GCNT4: variants seen among roughly 807,000 people sequenced by gnomAD.
GCNT4 encodes the protein beta-1,3-galactosyl-O-glycosyl-glycoprotein beta-1,6-N-acetylglucosaminyltransferase 4.
GCNT4 carries 17 observed loss-of-function variants against 31.3 expected under a neutral mutation model. The observed-to-expected ratio is 0.54, with a 90% CI of 0.37 to 0.81. The LOEUF (loss-of-function observed/expected upper bound fraction) is 0.81, where lower values mean the gene tolerates loss of function less well. Among genes scored for constraint, GCNT4 ranks in the 40% least tolerant of loss-of-function variants. The pLI is 0.00. For synonymous variants in GCNT4, 158 were observed against 190.6 expected (o/e 0.83, Z 1.41); for missense variants, 503 against 525.5 (o/e 0.96, Z 0.42).
At chr5:75,041,586 A>T (rs896236725) in intron 3 of GCNT4, among the ~76,000 whole-genome samples, 2 of 152,220 alleles carry the variant, frequency 1.3e-5, no homozygotes, top group African/African-American at 4.8e-5. Flanking sequence ...GAAATAAAGG[A>T]CCTGTAAGAT....
intron 3 of GCNT4, among the ~76,000 whole-genome samples, chr5:75,041,056 C>T (rs181732721): frequency 3.0e-4 from 45 of 152,314 alleles, no homozygotes; most frequent in Admixed American, 1.4e-3. Flanking sequence ...ATTGGCTAAA[C>T]GCGGTCTGTA....
In GCNT4 at chr5:75,031,532, A is replaced by G. The variant is rs370081605; in HGVS notation, c.-1-1494T>C. ...TGAGTTCCAATAATACTTTATTTAC[A>G]AAAACAGGCAGCTGGCTGGATTCAG... On this transcript the variant is annotated intron_variant, in intron 3 of 3. Transcript: ENST00000652361. Among the ~76,000 whole-genome samples the G allele has an allele frequency of 3.1e-4, 47 of 152,326 alleles. 1 individual carries two copies. The East Asian group carries it at 6.0e-3, about 19-fold the overall frequency.
chr5:75,053,992 G>A (rs1164882012), upstream of GCNT4, among the ~76,000 whole-genome samples: 1 of 152,120 alleles, frequency 6.6e-6, no homozygotes, highest in African/African-American at 2.4e-5. Context: ...GCTCTGCGGA[G>A]GCTCAGGCCC....
At chr5:75,050,395 A>G (rs143825886) in intron 2 of GCNT4, among the ~76,000 whole-genome samples, 24 of 152,148 alleles carry the variant, frequency 1.6e-4, no homozygotes, top group South Asian at 1.0e-3. Flanking sequence ...TCGCATTCAC[A>G]TATGTCTAAG....
intron 2 of GCNT4, among the ~76,000 whole-genome samples, chr5:75,051,409 C>T (rs1409557221): frequency 6.6e-6 from 1 of 152,238 alleles, no homozygotes; most frequent in Non-Finnish European, 1.5e-5. Context: ...TTTACTGTCT[C>T]ACTGCTTTCT....
At chr5:75,041,573 G>A (rs369883966) in intron 3 of GCNT4, among the ~76,000 whole-genome samples, 23 of 152,226 alleles carry the variant, frequency 1.5e-4, no homozygotes, top group African/African-American at 5.3e-4. Context: ...TCACATTTGG[G>A]CAGAAATAAA....
the GCNT4 span, among the ~76,000 whole-genome samples, chr5:75,020,064 A>C: frequency 1.3e-5 from 2 of 152,098 alleles, no homozygotes; most frequent in Non-Finnish European, 2.9e-5. Flanking sequence ...CAGTTAGGAG[A>C]CTCATAAGGT....
the GCNT4 span, among the ~76,000 whole-genome samples, chr5:75,017,694 C>A: frequency 6.6e-6 from 1 of 152,080 alleles, no homozygotes; most frequent in Admixed American, 6.6e-5. Flanking sequence ...AGAACAAAGA[C>A]CCTCCGGAGC....
chr5:75,050,954 A>G (rs1457438897), intron 2 of GCNT4, among the ~76,000 whole-genome samples: 1 of 152,180 alleles, frequency 6.6e-6, no homozygotes, highest in Non-Finnish European at 1.5e-5. Flanking sequence ...TCATCTGCGT[A>G]CTATCAGGTG....
intron 3 of GCNT4, among the ~76,000 whole-genome samples, chr5:75,044,741 G>A (rs866662681): frequency 6.6e-5 from 10 of 151,942 alleles, no homozygotes; most frequent in South Asian, 2.1e-4. Flanking sequence ...GGGTAGACTG[G>A]TACAGAAACC....
At chr5:75,037,422 G>A (rs551752497) in intron 3 of GCNT4, among the ~76,000 whole-genome samples, 1 of 152,298 alleles carries the variant, frequency 6.6e-6, no homozygotes, top group African/African-American at 2.4e-5. Flanking sequence ...TAATCAGATT[G>A]TGAGCAGGTA....
At chr5:75,036,683 T>C (rs1020652023) in intron 3 of GCNT4, among the ~76,000 whole-genome samples, 6 of 152,102 alleles carry the variant, frequency 3.9e-5, no homozygotes, top group African/African-American at 1.2e-4. Context: ...GAATGCTGGG[T>C]GAGGAATCAC....
intron 3 of GCNT4, among the ~76,000 whole-genome samples, chr5:75,043,352 C>T (rs1219311376): frequency 1.3e-5 from 2 of 152,122 alleles, no homozygotes; most frequent in African/African-American, 4.8e-5. Flanking sequence ...TGGTAGAGAG[C>T]CAGTTGCCTT....
At chr5:75,049,198 C>T (rs925745043) in intron 2 of GCNT4, among the ~76,000 whole-genome samples, 1 of 152,140 alleles carries the variant, frequency 6.6e-6, no homozygotes, top group Non-Finnish European at 1.5e-5. Context: ...CTTTCTGCCC[C>T]TTAGTGTTTC....
chr5:75,020,591 T>G (rs1742870315), downstream of GCNT4, among the ~76,000 whole-genome samples: 1 of 152,070 alleles, frequency 6.6e-6, no homozygotes, highest in Non-Finnish European at 1.5e-5. Context: ...GAGTGTTCTT[T>G]CAGCTATTCG....
At chr5:75,020,929 GC>G (rs1200861180), downstream of GCNT4, among the ~76,000 whole-genome samples, 1 of 151,044 alleles carries the variant, frequency 6.6e-6, no homozygotes, top group Non-Finnish European at 1.5e-5. Context: ...GATTCATCAT[GC>G]TCTTCTCTCT....
chr5:75,052,244 C>CAAAAAA lies in GCNT4; in HGVS notation c.-201-23_-201-18dup, dbSNP rs200517667. The CAAAAAA allele has an allele frequency of 5.1e-4, 48 of 94,092 alleles. No individual in the cohort carries two copies. Among genetic ancestry groups the CAAAAAA allele is most frequent in the Non-Finnish European group, 7.0e-4 (27 of 38,482 alleles). The allele number at this position is 94,092 out of a possible 1,614,324, so 5.8% of individuals were successfully genotyped here. A position where few individuals can be genotyped will look rare whatever the true frequency, so the allele number is the denominator to read the frequency against. ...TTTGTTGTTCTTCCATTTTTAAAGA[C>CAAAAAA]AAAAAAAAAAAAAAAAAGAAAAAGA... On this transcript the variant is annotated splice_polypyrimidine_tract_variant and intron_variant, in intron 1 of 3. Transcript: ENST00000652361.
At position 75,028,712 on chromosome 5, in the gene GCNT4, CT is replaced by C. The variant is rs1187630241; in HGVS notation, c.1325del (p.Lys442SerfsTer49). The C allele has an allele frequency of 6.2e-7, 1 of 1,613,054 alleles. No individual in the cohort carries two copies. The highest frequency in any genetic ancestry group is 2.2e-5 in the East Asian group (1 of 44,884). On this transcript the variant is annotated frameshift_variant, in exon 4 of 4. Transcript: ENST00000652361. LOFTEE classifies it low-confidence loss of function (END_TRUNC). ...TAGTGAGATTTCTATCCATAAATAA[CT>C]TTTCTGAGGGCAAAGTGATCCAGTC... Reference protein sequence around the residue: ...QRDWITLPSEKLFMDRNLTTT... With the variant: ...QRDWITLPSEXLFMDRNLTTT...
intron 3 of GCNT4, among the ~76,000 whole-genome samples, chr5:75,038,894 C>G (rs1278673054): frequency 6.6e-6 from 1 of 152,112 alleles, no homozygotes; most frequent in Non-Finnish European, 1.5e-5. Context: ...CCCAACTGCC[C>G]CTATTCAGGT....
Sources: gnomAD v4.1 joint callset for allele counts (sites outside exome capture counted in the v4.1 genomes callset) on GRCh38, gnomAD v4.1.1 for gene constraint, MANE v1.5 for transcripts, NCBI Gene and HGNC (gene_info 2026-07-23, HGNC 2026-07-21) for gene names.